The following AKAP9 variants were observed in gnomAD, a reference collection of about 807,000 sequenced individuals.
The protein encoded by AKAP9 is A-kinase anchoring protein 9.
AKAP9 carries 311 observed loss-of-function variants against 488.5 expected under a neutral mutation model. The observed-to-expected ratio is 0.64, with a 90% CI of 0.58 to 0.70. The LOEUF is 0.70. Ranked by LOEUF, AKAP9 falls within the 30% of genes least tolerant of loss-of-function variation. AKAP9 has a pLI of 0.00. For missense variants in AKAP9, 4,215 were observed against 4,374.5 expected (o/e 0.96, Z 1.03); for synonymous variants, 1,462 against 1,483.5 (o/e 0.99, Z 0.33).
chr7:91,957,277 G>T (rs1345248404), intron 1 of AKAP9, among the ~76,000 whole-genome samples: 1 of 152,040 alleles, frequency 6.6e-6, no homozygotes. Flanking sequence ...AAATAAACAG[G>T]TGTGAAAATT....
Position 92,041,019 on chromosome 7 carries a change from T to TG in AKAP9, c.4917+122dup, listed in dbSNP as rs1806016070. Reference sequence around the variant, plus strand: ...TGTAGCCATAATTTTTTTTTTTTTTTGCCGAAATCTGAATAAACTACATAT... The same window carrying TG: ...TGTAGCCATAATTTTTTTTTTTTTTTGGCCGAAATCTGAATAAACTACATAT... On this transcript the variant is annotated intron_variant, in intron 18 of 49. Coordinates refer to ENST00000356239, the MANE Select transcript of AKAP9 (RefSeq NM_005751.5). 3 of 752,254 alleles carry TG rather than the reference T, an allele frequency of 4.0e-6. No homozygotes were observed. The South Asian group carries it at 5.4e-5, about 14-fold the overall frequency. The allele number at this position is 752,254 out of a possible 1,614,324, so 46.6% of individuals were successfully genotyped here.
intron 1 of AKAP9, among the ~76,000 whole-genome samples, chr7:91,949,476 C>G (rs1791924129): frequency 6.6e-6 from 1 of 152,138 alleles, no homozygotes; most frequent in Admixed American, 6.6e-5. Context: ...TGATCATTGC[C>G]AGTCCATTTA....
chr7:92,092,708 A>G (rs1215466499), intron 38 of AKAP9: 1 of 184,634 alleles, frequency 5.4e-6, no homozygotes, highest in Non-Finnish European at 1.1e-5. Context: ...GTACAGTGGC[A>G]TGGTCTCAAC....
chr7:91,976,911 G>C (rs1392240542), intron 2 of AKAP9, among the ~76,000 whole-genome samples: 1 of 151,840 alleles, frequency 6.6e-6, no homozygotes, highest in Non-Finnish European at 1.5e-5. Context: ...GTTTTGTTTT[G>C]TTTTTAGATT....
Position 92,079,933 on chromosome 7 carries a change from T to A in AKAP9, c.7800T>A (p.Asp2600Glu). 1 of 1,612,252 alleles carries A rather than the reference T, an allele frequency of 6.2e-7. No individual in the cohort carries two copies. The highest frequency in any genetic ancestry group is 8.5e-7 in the Non-Finnish European group (1 of 1,179,184). ...TAAGAGAAGATGAGTTGGGGTCAGA[T>A]ATATCAGCATTAACCTTGAGAATAT... ...NQLREDELGS[D>E]ISALTLRISE... Residue 2600 changes from aspartate to glutamate, a missense_variant, in exon 31 of 50, where the codon GAT (aspartate) becomes GAA (glutamate). Physicochemically the swap from Asp to Glu is conservative, Grantham distance 45. This residue lies in a region of AKAP9 where 1,476 missense variants were observed against 1,477.4 expected (regional missense o/e 1.00). Coordinates refer to ENST00000356239, the MANE Select transcript of AKAP9 (RefSeq NM_005751.5).
At chr7:92,065,819 C>G (rs975987784) in intron 25 of AKAP9, among the ~76,000 whole-genome samples, 5 of 152,166 alleles carry the variant, frequency 3.3e-5, no homozygotes, top group African/African-American at 1.2e-4. Context: ...ACTGCTTCAC[C>G]TGTAAAAGAT....
chr7:92,053,163 C>CT (rs1177381378), intron 22 of AKAP9, among the ~76,000 whole-genome samples: 3 of 151,996 alleles, frequency 2.0e-5, no homozygotes, highest in Non-Finnish European at 4.4e-5. Context: ...CATGATCCTG[C>CT]TTTTGTTTTG....
At chr7:91,960,495 C>T (rs1338112997) in intron 1 of AKAP9, among the ~76,000 whole-genome samples, 4 of 152,110 alleles carry the variant, frequency 2.6e-5, no homozygotes, top group Non-Finnish European at 5.9e-5. Context: ...GCAGATAACC[C>T]ATATTCATCT....
Position 92,095,141 on chromosome 7 carries a change from C to A in AKAP9, c.9697C>A (p.Arg3233Ser). 4 of 1,614,070 alleles carry A rather than the reference C, an allele frequency of 2.5e-6. No homozygotes were observed. The highest frequency in any genetic ancestry group is 3.4e-6 in the Non-Finnish European group (4 of 1,180,000). Residue 3233 changes from arginine (R) to serine (S), a missense_variant, in exon 40 of 50, where the codon CGC becomes AGC. Coordinates refer to ENST00000356239, the MANE Select transcript of AKAP9 (RefSeq NM_005751.5). ...GGAGAAAGAGAAAGCCAAGTTGGGACGCAGTGAAGAACGGGATAAAGAAGA... is the reference window on the plus strand; with the variant it reads ...GGAGAAAGAGAAAGCCAAGTTGGGAAGCAGTGAAGAACGGGATAAAGAAGA... The part of the protein sequence containing the change: ...ALEKEKAKLG[R>S]SEERDKEELE...
chr7:91,963,611 G>T (rs899171966), intron 1 of AKAP9, among the ~76,000 whole-genome samples: 2 of 151,654 alleles, frequency 1.3e-5, no homozygotes, highest in Non-Finnish European at 2.9e-5. Flanking sequence ...TCCGCCTCCC[G>T]GATTCACACC....
Position 92,097,054 on chromosome 7 carries a change from G to A in AKAP9, c.10095G>A (p.Glu3365=). 6.2e-7 allele frequency: 1 copy of A among 1,614,160 alleles called. No individual in the cohort carries two copies. Among genetic ancestry groups the A allele is most frequent in the Non-Finnish European group, 8.5e-7 (1 of 1,180,038 alleles). Residue 3365 remains glutamate (E), a synonymous_variant, in exon 41 of 50, where the codon GAG becomes GAA. Transcript: ENST00000356239. ...GTCGCATAGTAGAATTGTTAAATGA[G>A]ACTGAAAAATATAAACTGGATTCTT... The part of the protein sequence containing the change: ...KHSRIVELLN[E]TEKYKLDSLQ...
chr7:92,022,477 C>T (rs1261130131), intron 13 of AKAP9, 125 bp downstream of exon 13: 5 of 700,022 alleles, frequency 7.1e-6, no homozygotes, highest in Non-Finnish European at 1.3e-5. Flanking sequence ...TCTCTGATCT[C>T]AATTTTTTCA....
chr7:92,009,145 G>A (rs1466038712), intron 8 of AKAP9, among the ~76,000 whole-genome samples: 7 of 151,922 alleles, frequency 4.6e-5, no homozygotes, highest in Non-Finnish European at 1.0e-4. Flanking sequence ...ATAGCAAGAT[G>A]CCTGTCTCCA....
In AKAP9 at chr7:91,994,862, T is replaced by TA. The variant is rs1343792691; in HGVS notation, c.732+92dup. 1.1e-5 allele frequency: 15 copies of TA among 1,319,286 alleles called. 1 individual carries two copies. In the African/African-American group the frequency reaches 1.2e-4, roughly 11 times the overall value. The allele number at this position is 1,319,286 out of a possible 1,614,324, so 81.7% of individuals were successfully genotyped here. ...CTTTCAAGAACAAATCTAAATTTGT[T>TA]AAAAAAGCCATTTCGTATTATATCA... On this transcript the variant is annotated intron_variant, in intron 6 of 49. Coordinates refer to ENST00000356239, the MANE Select transcript of AKAP9 (RefSeq NM_005751.5).
At chr7:91,946,270 C>A (rs1462593867) in intron 1 of AKAP9, among the ~76,000 whole-genome samples, 1 of 152,174 alleles carries the variant, frequency 6.6e-6, no homozygotes, top group Non-Finnish European at 1.5e-5. Flanking sequence ...TCTAGTTTTT[C>A]ATACTTAGAT....
Position 92,001,510 on chromosome 7 carries a change from A to G in AKAP9, c.1593A>G (p.Glu531=). ...EEKCALQRQL[E]DLVEELSFSR... is the part of the protein sequence containing the mutation. ...AGTGTGCTCTACAGAGACAGCTTGA[A>G]GACCTTGTTGAAGAATTGAGCTTTT... The change falls in exon 8 of 50, where the codon GAA becomes GAG. Residue 531 remains glutamate (E), a synonymous_variant. Transcript: ENST00000356239. 1 of 1,613,946 alleles carries G rather than the reference A, an allele frequency of 6.2e-7. No homozygotes were observed. The highest frequency in any genetic ancestry group is 8.5e-7 in the Non-Finnish European group (1 of 1,179,872).
intron 34 of AKAP9, 28 bp downstream of exon 34, chr7:92,084,731 TG>T (rs1270164172): frequency 1.2e-6 from 2 of 1,608,212 alleles, no homozygotes; most frequent in Non-Finnish European, 1.7e-6. Context: ...TTGTAATGTT[TG>T]TAGTAGTTGT....
At chr7:92,011,655 G>C (rs941446888) in intron 8 of AKAP9, among the ~76,000 whole-genome samples, 3 of 152,190 alleles carry the variant, frequency 2.0e-5, no homozygotes, top group Non-Finnish European at 4.4e-5. Flanking sequence ...TGGACAATTA[G>C]GTCAGTGGAG....
Position 92,089,547 on chromosome 7 carries a change from C to T in AKAP9, c.9358+18C>T, listed in dbSNP as rs1169803205. The T allele has an allele frequency of 1.2e-6, 2 of 1,611,282 alleles. No homozygotes were observed. Among genetic ancestry groups the T allele is most frequent in the Non-Finnish European group, 1.7e-6 (2 of 1,178,298 alleles). On this transcript the variant is annotated intron_variant, in intron 38 of 49. Transcript: ENST00000356239. Reference sequence around the variant, plus strand: ...AAGCCAAGGTATGTTGTATGACAAGCTCATATGGTTACACAAACAGGTGAA... The same window carrying T: ...AAGCCAAGGTATGTTGTATGACAAGTTCATATGGTTACACAAACAGGTGAA...
Sources: allele counts gnomAD v4.1 joint callset (sites outside exome capture counted in the v4.1 genomes callset), GRCh38; gene constraint gnomAD v4.1.1; regional missense constraint gnomAD v4.1.1; transcripts MANE v1.5; gene names NCBI Gene and HGNC (gene_info 2026-07-23, HGNC 2026-07-21).